The following ZC3H15 variants were observed in gnomAD, a reference collection of about 807,000 sequenced individuals.
The protein encoded by ZC3H15 is zinc finger CCCH-type containing 15.
ZC3H15 carries 15 observed loss-of-function variants against 51.2 expected under a neutral mutation model. The observed-to-expected ratio is 0.29, with a 90% CI of 0.20 to 0.45. ZC3H15 has a LOEUF of 0.45. ZC3H15 is among the 20% of genes least tolerant of loss of function. ZC3H15 has a pLI of 1.00. For synonymous variants in ZC3H15, 144 were observed against 162.8 expected (o/e 0.88, Z 0.88); for missense variants, 381 against 494.7 (o/e 0.77, Z 2.18).
At chr2:186,501,088 AAG>A (rs982326154) in intron 3 of ZC3H15, among the ~76,000 whole-genome samples, 183 bp from the exon 4 acceptor site, 4 of 152,240 alleles carry the variant, frequency 2.6e-5, no homozygotes, top group African/African-American at 9.6e-5. Flanking sequence ...AAAGAAACAA[AAG>A]TAGACATAAA....
intron 1 of ZC3H15, 46 bp downstream of exon 1, chr2:186,486,503 A>C: frequency 6.6e-7 from 1 of 1,511,018 alleles, no homozygotes. Flanking sequence ...CCCTCCGGAA[A>C]GCCACTTCCC....
intron 6 of ZC3H15, among the ~76,000 whole-genome samples, chr2:186,504,857 T>A (rs1007380788): frequency 6.6e-6 from 1 of 152,220 alleles, no homozygotes; most frequent in Admixed American, 6.5e-5. Context: ...AATGTAGACT[T>A]CAGAATCAGG....
chr2:186,497,497 T>G (rs879288430), intron 2 of ZC3H15, among the ~76,000 whole-genome samples: 1 of 152,248 alleles, frequency 6.6e-6, no homozygotes, highest in Non-Finnish European at 1.5e-5. Context: ...GACTTGGGTG[T>G]GAATCTTCCT....
At chr2:186,499,521 T>C (rs768816760) in intron 2 of ZC3H15, 1 of 451,930 alleles carries the variant, frequency 2.2e-6, no homozygotes. Flanking sequence ...CTATGTACTA[T>C]GTTACAGTTG....
chr2:186,495,433 A>G (rs1685267030), intron 2 of ZC3H15, 99 bp downstream of exon 2: 4 of 829,776 alleles, frequency 4.8e-6, no homozygotes, highest in Non-Finnish European at 6.8e-6. Context: ...TTGTATTTCA[A>G]AACAGAATCC....
At chr2:186,500,350 CTA>C (rs1685360411) in intron 3 of ZC3H15, 57 bp downstream of exon 3, 2 of 1,348,668 alleles carry the variant, frequency 1.5e-6, no homozygotes, top group Admixed American at 4.6e-5. Flanking sequence ...ATGCTAAAAA[CTA>C]TTTATTTTGA....
chr2:186,494,358 T>C (rs2105587248), intron 1 of ZC3H15, among the ~76,000 whole-genome samples: 1 of 152,322 alleles, frequency 6.6e-6, no homozygotes, highest in East Asian at 1.9e-4. Context: ...GGATAACATT[T>C]ATTAACTAAA....
chr2:186,487,852 G>A (rs965116582), intron 1 of ZC3H15, among the ~76,000 whole-genome samples: 6 of 152,146 alleles, frequency 3.9e-5, no homozygotes, highest in African/African-American at 1.4e-4. Context: ...ATGCATTGTA[G>A]AGCTTTCTCT....
intron 6 of ZC3H15, among the ~76,000 whole-genome samples, chr2:186,504,650 C>T (rs1685440082): frequency 6.6e-6 from 1 of 152,160 alleles, no homozygotes; most frequent in Admixed American, 6.5e-5. Context: ...TCAAAACACT[C>T]ACTCTGCTTA....
intron 8 of ZC3H15, 122 bp downstream of exon 8, chr2:186,505,963 C>T (rs748123156): frequency 1.0e-5 from 10 of 969,070 alleles, no homozygotes; most frequent in Non-Finnish European, 1.6e-5. Context: ...ATCCTTACTC[C>T]AACCATGGGA....
intron 4 of ZC3H15, among the ~76,000 whole-genome samples, chr2:186,501,793 T>A (rs2105591783): frequency 6.6e-6 from 1 of 151,762 alleles, no homozygotes. Flanking sequence ...CTCACTGCAG[T>A]CTCCATCTCC....
chr2:186,509,133 T>G lies in ZC3H15; in HGVS notation c.*400T>G, dbSNP rs1685514764. On this transcript the variant is annotated 3_prime_UTR_variant, in exon 10 of 10. Coordinates refer to ENST00000337859, the MANE Select transcript of ZC3H15 (RefSeq NM_018471.3). Reference sequence around the variant, plus strand: ...TGAGTGATTTAATTTCCTCTGTATTTGTATGTTTAGAAGACTGCCTAAAAC... The same window carrying G: ...TGAGTGATTTAATTTCCTCTGTATTGGTATGTTTAGAAGACTGCCTAAAAC... The G allele has an allele frequency of 2.2e-6, 1 of 448,024 alleles. No homozygotes were observed. The highest frequency in any genetic ancestry group is 4.5e-6 in the Non-Finnish European group (1 of 223,494). 27.8% of individuals were successfully genotyped at this position (448,024 alleles called of 1,614,324 possible).
In ZC3H15 at chr2:186,508,809, A is replaced by T; in HGVS notation, c.*76A>T. Reference sequence around the variant, plus strand: ...TGACTACATTAATTTCTTTCCACCTAGAATCAACAGGATGTTTATTTCCTA... The same window carrying T: ...TGACTACATTAATTTCTTTCCACCTTGAATCAACAGGATGTTTATTTCCTA... On this transcript the variant is annotated 3_prime_UTR_variant, in exon 10 of 10. Coordinates refer to ENST00000337859, the MANE Select transcript of ZC3H15 (RefSeq NM_018471.3). The T allele has an allele frequency of 3.4e-6, 5 of 1,466,142 alleles. No homozygotes were observed. In the South Asian group the frequency reaches 6.2e-5, roughly 18 times the overall value. 90.8% of individuals were successfully genotyped at this position (1,466,142 alleles called of 1,614,324 possible). A position where few individuals can be genotyped will look rare whatever the true frequency, so the allele number is the denominator to read the frequency against.
At chr2:186,496,660 CAT>C (rs1327495525) in intron 2 of ZC3H15, among the ~76,000 whole-genome samples, 2 of 152,172 alleles carry the variant, frequency 1.3e-5, no homozygotes, top group Admixed American at 6.5e-5. Context: ...GTGCAAATAT[CAT>C]AGAGTGTACT....
At chr2:186,495,865 G>T (rs1468166385) in intron 2 of ZC3H15, among the ~76,000 whole-genome samples, 1 of 152,174 alleles carries the variant, frequency 6.6e-6, no homozygotes, top group Non-Finnish European at 1.5e-5. Flanking sequence ...AGTATAAAGT[G>T]ATATCTTATT....
chr2:186,507,188 G>A (rs550246247), intron 9 of ZC3H15, among the ~76,000 whole-genome samples: 16 of 152,280 alleles, frequency 1.1e-4, no homozygotes, highest in Admixed American at 3.3e-4. Context: ...TATGGGGTAA[G>A]TAAAAGAAGA....
rs1410402936 is a variant in ZC3H15 at position 186,486,332 on chromosome 2, C to T, written c.-51C>T. 10 of 1,497,634 alleles carry T rather than the reference C, an allele frequency of 6.7e-6. No individual in the cohort carries two copies. In the Middle Eastern group the frequency reaches 5.3e-4, roughly 79 times the overall value. The allele number at this position is 1,497,634 out of a possible 1,614,324, so 92.8% of individuals were successfully genotyped here. ...TCGTCCTGCCGCAGGGCCAGAACCC[C>T]TGACGGTATTCAGCTGCGCGTAAGT... On this transcript the variant is annotated 5_prime_UTR_variant, in exon 1 of 10. Transcript: ENST00000337859.
Position 186,486,437 on chromosome 2 carries a change from AAGAAGG to A in ZC3H15, c.61_66del (p.Glu21_Lys22del). The A allele has an allele frequency of 6.4e-7, 1 of 1,569,020 alleles. No individual in the cohort carries two copies. Among genetic ancestry groups the A allele is most frequent in the Non-Finnish European group, 8.7e-7 (1 of 1,155,430 alleles). On this transcript the variant is annotated inframe_deletion, in exon 1 of 10. Coordinates refer to ENST00000337859, the MANE Select transcript of ZC3H15 (RefSeq NM_018471.3). ...GGGCAGCAAAAAGGCGGAGCAAAAA[AAGAAGG>A]AGAAGATTATCGAAGTGAGTACCCA...
rs536806020 is a variant in ZC3H15, at chr2:186,509,208, T to C, written c.*475T>C. ...AACTGCGTATGCAGATTCAGTATTGTGTATCTTTGGACAATTAGATGGACA... is the reference window on the plus strand; with the variant it reads ...AACTGCGTATGCAGATTCAGTATTGCGTATCTTTGGACAATTAGATGGACA... On this transcript the variant is annotated 3_prime_UTR_variant, in exon 10 of 10. Coordinates refer to ENST00000337859, the MANE Select transcript of ZC3H15 (RefSeq NM_018471.3). 20 of 280,924 alleles carry C rather than the reference T, an allele frequency of 7.1e-5. No homozygotes were observed. The highest frequency in any genetic ancestry group is 4.0e-4 in the African/African-American group (18 of 44,484). The allele number at this position is 280,924 out of a possible 1,614,324, so 17.4% of individuals were successfully genotyped here.
Sources: allele counts gnomAD v4.1 joint callset (sites outside exome capture counted in the v4.1 genomes callset), GRCh38; gene constraint gnomAD v4.1.1; transcripts MANE v1.5; gene names NCBI Gene and HGNC (gene_info 2026-07-23, HGNC 2026-07-21).